ATXN7L1: variants seen among roughly 807,000 people sequenced by gnomAD.
ATXN7L1 encodes the protein ataxin-7-like protein 1.
In ATXN7L1, 15 loss-of-function variants were observed where a neutral mutation model predicts 70.8. The ratio of observed to expected loss-of-function variants is 0.21; its 90% CI spans 0.14 to 0.33. The LOEUF (loss-of-function observed/expected upper bound fraction) is 0.33. Ranked by LOEUF, ATXN7L1 falls within the 10% of genes least tolerant of loss-of-function variation. The pLI is 1.00. For synonymous variants in ATXN7L1, 440 were observed against 445.1 expected (o/e 0.99, Z 0.14); for missense variants, 975 against 1,097.1 (o/e 0.89, Z 1.57).
chr7:105,859,784 T>C (rs1461056095), intron 2 of ATXN7L1, among the ~76,000 whole-genome samples: 2 of 1,136 alleles, frequency 1.8e-3, no homozygotes, highest in African/African-American at 4.7e-3. Context: ...CTTTCTTTCT[T>C]TTTTTTTTTT....
chr7:105,668,984 G>C (rs540522094), intron 3 of ATXN7L1, among the ~76,000 whole-genome samples: 1 of 152,286 alleles, frequency 6.6e-6, no homozygotes, highest in East Asian at 1.9e-4. Context: ...CTGGGCTCAA[G>C]AGATCCTCTT....
chr7:105,788,518 G>T, intron 3 of ATXN7L1, 86 bp downstream of exon 3: 1 of 1,100,648 alleles, frequency 9.1e-7, no homozygotes, highest in Non-Finnish European at 1.4e-6. Context: ...AAGACATGGC[G>T]AGACCCTGTC....
chr7:105,678,527 C>A (rs918385006), intron 3 of ATXN7L1, among the ~76,000 whole-genome samples: 9 of 152,178 alleles, frequency 5.9e-5, no homozygotes, highest in Non-Finnish European at 1.3e-4. Flanking sequence ...AACCAGGGTG[C>A]TAGTTTCAAA....
chr7:105,622,370 G>T (rs1327226589), intron 8 of ATXN7L1, among the ~76,000 whole-genome samples: 1 of 152,222 alleles, frequency 6.6e-6, no homozygotes, highest in Non-Finnish European at 1.5e-5. Flanking sequence ...GCACCGTTTT[G>T]TCTTTGCTAC....
chr7:105,623,048 A>G (rs1328853376), intron 8 of ATXN7L1, among the ~76,000 whole-genome samples: 1 of 152,156 alleles, frequency 6.6e-6, no homozygotes, highest in African/African-American at 2.4e-5. Context: ...TGAATGTTCC[A>G]CTTCTGGCAG....
At chr7:105,616,242 G>A (rs574664084) in intron 9 of ATXN7L1, among the ~76,000 whole-genome samples, 7 of 152,272 alleles carry the variant, frequency 4.6e-5, no homozygotes, top group South Asian at 2.1e-4. Context: ...GCCTCACACC[G>A]TCCTTTCTCT....
intron 3 of ATXN7L1, among the ~76,000 whole-genome samples, chr7:105,731,748 AAAAAG>A (rs534062694): frequency 0.21 from 21,766 of 105,804 alleles, 2,554 homozygotes; most frequent in Non-Finnish European, 0.28. Flanking sequence ...CTTACTCCTT[AAAAAG>A]AAAAGAAAAG....
chr7:105,862,628 C>CA (rs1362388754), intron 2 of ATXN7L1, among the ~76,000 whole-genome samples: 5 of 152,098 alleles, frequency 3.3e-5, no homozygotes, highest in African/African-American at 1.2e-4. Context: ...TGAAACCCCA[C>CA]ACAGAGGAGG....
At chr7:105,701,717 T>G (rs1343984804) in intron 3 of ATXN7L1, among the ~76,000 whole-genome samples, 1 of 152,214 alleles carries the variant, frequency 6.6e-6, no homozygotes, top group Non-Finnish European at 1.5e-5. Flanking sequence ...GCATTTTATT[T>G]TTTTAGAGAC....
rs1474679236 is a variant in ATXN7L1 at position 105,849,925 on chromosome 7, T to C, written c.250+25887A>G. Among the ~76,000 whole-genome samples the C allele has an allele frequency of 2.6e-5, 4 of 152,248 alleles. No individual in the cohort carries two copies. In the East Asian group the frequency reaches 7.7e-4, roughly 29 times the overall value. On this transcript the variant is annotated intron_variant, in intron 2 of 11. Transcript: ENST00000419735. ...GACTCTTCAAATTTCATGCTTTATC[T>C]TAAAAATTAATGCAAATTTTCCTTG...
chr7:105,788,530 G>C, intron 3 of ATXN7L1, 74 bp downstream of exon 3: 1 of 1,220,166 alleles, frequency 8.2e-7, no homozygotes, highest in African/African-American at 1.5e-5. Flanking sequence ...GACCCTGTCG[G>C]GGAGCCCAGG....
intron 2 of ATXN7L1, among the ~76,000 whole-genome samples, chr7:105,814,503 A>C (rs545276330): frequency 1.3e-5 from 2 of 152,284 alleles, no homozygotes; most frequent in Admixed American, 1.3e-4. Flanking sequence ...CATTAGCATA[A>C]ATATTGGATT....
intron 4 of ATXN7L1, among the ~76,000 whole-genome samples, chr7:105,644,850 T>C (rs997009793): frequency 6.6e-6 from 1 of 152,196 alleles, no homozygotes; most frequent in Non-Finnish European, 1.5e-5. Flanking sequence ...TTATTCACAA[T>C]AGCCAAAGGT....
chr7:105,864,462 A>AC (rs1817093436), intron 2 of ATXN7L1, among the ~76,000 whole-genome samples: 1 of 147,330 alleles, frequency 6.8e-6, no homozygotes, highest in Non-Finnish European at 1.5e-5. Flanking sequence ...GTCTCAAAAA[A>AC]AAAAAAAAAA....
chr7:105,679,595 A>G (rs1053842085), intron 3 of ATXN7L1, among the ~76,000 whole-genome samples: 6 of 152,076 alleles, frequency 3.9e-5, no homozygotes, highest in Non-Finnish European at 8.8e-5. Context: ...AAGCAGGGAG[A>G]TTTCATTCAT....
intron 2 of ATXN7L1, among the ~76,000 whole-genome samples, chr7:105,863,519 G>C (rs1816946430): frequency 6.6e-6 from 1 of 152,216 alleles, no homozygotes; most frequent in African/African-American, 2.4e-5. Flanking sequence ...AAGCCCACGT[G>C]AGCCCCTCCT....
In ATXN7L1 at chr7:105,876,554, G is replaced by A. The variant is rs1819339464; in HGVS notation, c.5C>T (p.Thr2Met). The stretch of plus-strand genomic sequence containing the variant: ...ACACGGGATTCGAGAACGCTCCGAC[G>A]TCATCTTCGGAACGTTCCGACATTG... M[T>M]SERSRIPCLS... The change falls in exon 1 of 12, where the codon ACG (threonine) becomes ATG (methionine). Residue 2 changes from threonine (T) to methionine (M), a missense_variant. Coordinates refer to ENST00000419735, the MANE Select transcript of ATXN7L1 (RefSeq NM_020725.2). 5 of 1,385,122 alleles carry A rather than the reference G, an allele frequency of 3.6e-6. No homozygotes were observed. In the Middle Eastern group the frequency reaches 6.2e-4, roughly 173 times the overall value. 85.8% of individuals were successfully genotyped at this position (1,385,122 alleles called of 1,614,324 possible). A position where few individuals can be genotyped will look rare whatever the true frequency, so the allele number is the denominator to read the frequency against.
intron 11 of ATXN7L1, among the ~76,000 whole-genome samples, chr7:105,608,304 G>GGA (rs747280538): frequency 2.0e-5 from 3 of 152,220 alleles, no homozygotes; most frequent in Non-Finnish European, 4.4e-5. Flanking sequence ...CAGAGGCTCT[G>GGA]GAGAGAGAGA....
chr7:105,690,563 C>T (rs910917495), intron 3 of ATXN7L1, among the ~76,000 whole-genome samples: 4 of 152,264 alleles, frequency 2.6e-5, no homozygotes, highest in Middle Eastern at 6.8e-3. Context: ...TGATGTTTGT[C>T]GTCTTCTCCT....
Sources: gnomAD v4.1 joint callset for allele counts (sites outside exome capture counted in the v4.1 genomes callset) on GRCh38, gnomAD v4.1.1 for gene constraint, MANE v1.5 for transcripts, NCBI Gene and HGNC (gene_info 2026-07-23, HGNC 2026-07-21) for gene names.